Variants in MAMDC2 observed in about 807,000 individuals in gnomAD.
MAMDC2 encodes MAM domain-containing protein 2.
In MAMDC2, 57 loss-of-function variants were observed where a neutral mutation model predicts 89.8. The observed-to-expected ratio is 0.63, with a 90% CI of 0.51 to 0.79. MAMDC2 has a LOEUF of 0.79. Among genes scored for constraint, MAMDC2 ranks in the 30% least tolerant of loss-of-function variants. The pLI is 0.00. For missense variants in MAMDC2, 800 were observed against 820.6 expected (o/e 0.97, Z 0.31); for synonymous variants, 313 against 293.4 (o/e 1.07, Z -0.68).
Position 70,044,595 on chromosome 9 carries a change from G to A in MAMDC2, c.46G>A (p.Ala16Thr), listed in dbSNP as rs781194011. The A allele has an allele frequency of 2.6e-6, 4 of 1,550,132 alleles. No individual in the cohort carries two copies. The highest frequency in any genetic ancestry group is 1.2e-5 in the South Asian group (1 of 83,990). Residue 16 changes from alanine (A) to threonine (T), a missense_variant, in exon 2 of 14, where the codon GCC becomes ACC. Transcript: ENST00000377182. ...CTTTGTGCCCGCAGCCCTGCAGCTC[G>A]CCGGTGCCCTCGACCTGCCCGCTGG... ...VLLALQALQL[A>T]GALDLPAGSC... is the part of the protein sequence containing the mutation.
At chr9:70,181,190 T>C (rs1206567044) in intron 11 of MAMDC2, among the ~76,000 whole-genome samples, 1 of 152,128 alleles carries the variant, frequency 6.6e-6, no homozygotes, top group Non-Finnish European at 1.5e-5. Context: ...CTGAGGCCTC[T>C]GTTCTGTTCC....
intron 8 of MAMDC2, among the ~76,000 whole-genome samples, chr9:70,140,680 G>A (rs1407562422): frequency 6.6e-6 from 1 of 152,196 alleles, no homozygotes; most frequent in Non-Finnish European, 1.5e-5. Context: ...GTATGGGGTT[G>A]CCTTTGGGTG....
At position 70,194,232 on chromosome 9, in the gene MAMDC2, T is replaced by C. The variant is rs142361579; in HGVS notation, c.1651+23601T>C. On this transcript the variant is annotated intron_variant, in intron 11 of 13. Transcript: ENST00000377182. ...ACTTCGCTGAGCCTCAGTTTCCTTA[T>C]ATGTAAAATAAAGATAACAATCAGT... 1.3e-3 allele frequency: 191 copies of C among 152,180 alleles called. 1 individual carries two copies. Among genetic ancestry groups the C allele is most frequent in the African/African-American group, 4.4e-3 (183 of 41,522 alleles). The allele number at this position is 152,180 out of a possible 1,614,324, so 9.4% of individuals were successfully genotyped here. A position where few individuals can be genotyped will look rare whatever the true frequency, so the allele number is the denominator to read the frequency against.
intron 2 of MAMDC2, among the ~76,000 whole-genome samples, chr9:70,076,314 A>C (rs75050916): frequency 0.015 from 2,336 of 152,116 alleles, 65 homozygotes; most frequent in African/African-American, 0.053. Flanking sequence ...TCAGCTACTC[A>C]GGAGACTGAG....
rs1237505994 is a variant in MAMDC2 at position 70,162,737 on chromosome 9, G to A, written c.1405-5965G>A. ...GAACTGGCTGCAATCTGCCTGCCTTGGCCTCCCAAAGTGTTGGGAACAGGC... is the reference window on the plus strand; with the variant it reads ...GAACTGGCTGCAATCTGCCTGCCTTAGCCTCCCAAAGTGTTGGGAACAGGC... On this transcript the variant is annotated intron_variant, in intron 9 of 13. Coordinates refer to ENST00000377182, the MANE Select transcript of MAMDC2 (RefSeq NM_153267.5). 2.0e-5 allele frequency among the ~76,000 whole-genome samples: 3 copies of A among 151,938 alleles called. No homozygotes were observed. In the South Asian group the frequency reaches 6.2e-4, roughly 32 times the overall value.
Position 70,052,333 on chromosome 9 carries a change from A to T in MAMDC2, c.148+7636A>T, listed in dbSNP as rs866299634. On this transcript the variant is annotated intron_variant, in intron 2 of 13. Coordinates refer to ENST00000377182, the MANE Select transcript of MAMDC2 (RefSeq NM_153267.5). ...ACATTTCTCCTCTTCCTTCCCATTA[A>T]TCTCTAATGTGCTGTTCATTCAACA... Among the ~76,000 whole-genome samples, 5 of 152,160 alleles carry T rather than the reference A, an allele frequency of 3.3e-5. 1 individual carries two copies. In the South Asian group the frequency reaches 1.0e-3, roughly 32 times the overall value.
intron 2 of MAMDC2, among the ~76,000 whole-genome samples, chr9:70,063,570 CTAAG>C (rs1827197687): frequency 6.6e-6 from 1 of 152,026 alleles, no homozygotes; most frequent in Admixed American, 6.6e-5. Context: ...TATTTCAGAA[CTAAG>C]TATTTAGATA....
At chr9:70,082,000 A>C (rs1318513760) in intron 2 of MAMDC2, 2 of 152,190 alleles carry the variant, frequency 1.3e-5, no homozygotes, top group African/African-American at 4.8e-5. Flanking sequence ...TCCAATAAAA[A>C]TAAAAGACAC....
chr9:70,159,821 C>T (rs2031901747), intron 9 of MAMDC2, among the ~76,000 whole-genome samples: 1 of 152,128 alleles, frequency 6.6e-6, no homozygotes, highest in Admixed American at 6.5e-5. Context: ...AGGAGAACTC[C>T]CTATGGGAGG....
At chr9:70,198,537 C>A (rs189187271) in intron 11 of MAMDC2, among the ~76,000 whole-genome samples, 3 of 152,112 alleles carry the variant, frequency 2.0e-5, no homozygotes, top group African/African-American at 4.8e-5. Context: ...GAGAAAATGT[C>A]TTCAACTATT....
In MAMDC2 at chr9:70,143,814, AC is replaced by A. The variant is rs1373062028; in HGVS notation, c.1401del (p.Lys468ArgfsTer5). The A allele has an allele frequency of 6.2e-7, 1 of 1,613,732 alleles. No individual in the cohort carries two copies. The highest frequency in any genetic ancestry group is 2.2e-5 in the East Asian group (1 of 44,870). On this transcript the variant is annotated frameshift_variant, in exon 9 of 14. Coordinates refer to ENST00000377182, the MANE Select transcript of MAMDC2 (RefSeq NM_153267.5). LOFTEE classifies it high-confidence loss of function. ...AEITFKKPMPTKVVFMSLCKS... is the reference protein window; with the variant it reads ...AEITFKKPMPXKVVFMSLCKS... Reference sequence around the variant, plus strand: ...AATCACCTTTAAGAAGCCCATGCCTACCAAGGTACAGCAGAGCCAATTTCTC... The same window carrying A: ...AATCACCTTTAAGAAGCCCATGCCTACAAGGTACAGCAGAGCCAATTTCTC...
At chr9:70,188,560 T>C (rs1251783361) in intron 11 of MAMDC2, 2 of 152,082 alleles carry the variant, frequency 1.3e-5, no homozygotes, top group Non-Finnish European at 2.9e-5. Context: ...TAAAATGTTA[T>C]TATTCCCCAA....
chr9:70,086,799 T>C (rs1314410776), intron 2 of MAMDC2: 1 of 152,118 alleles, frequency 6.6e-6, no homozygotes, highest in African/African-American at 2.4e-5. Context: ...TTGATTCAAT[T>C]TAGACTTTAA....
intron 9 of MAMDC2, chr9:70,153,438 G>C (rs1236449681): frequency 6.6e-6 from 1 of 152,122 alleles, no homozygotes; most frequent in East Asian, 1.9e-4. Context: ...CTTTATGCTT[G>C]GTCACCCATG....
rs538865909 is a variant in MAMDC2 at position 70,180,813 on chromosome 9, C to T, written c.1651+10182C>T. Among the ~76,000 whole-genome samples the T allele has an allele frequency of 3.9e-5, 6 of 152,262 alleles. No homozygotes were observed. In the East Asian group the frequency reaches 1.2e-3, roughly 29 times the overall value. On this transcript the variant is annotated intron_variant, in intron 11 of 13. Transcript: ENST00000377182. Reference sequence around the variant, plus strand: ...ACTTTTCTCCTATTCTGTAGGAATACTCTGATGGCAGTTTCTTTTGCTGTG... The same window carrying T: ...ACTTTTCTCCTATTCTGTAGGAATATTCTGATGGCAGTTTCTTTTGCTGTG...
chr9:70,101,991 G>A (rs750173220), intron 2 of MAMDC2, among the ~76,000 whole-genome samples: 35 of 152,146 alleles, frequency 2.3e-4, no homozygotes, highest in Admixed American at 7.9e-4. Context: ...TGTACAACAC[G>A]GCCAATTTTT....
intron 9 of MAMDC2, among the ~76,000 whole-genome samples, chr9:70,166,272 T>TACACACACACAC (rs551265332): frequency 1.0e-4 from 5 of 49,888 alleles, no homozygotes; most frequent in South Asian, 6.2e-4. Context: ...AATATATATA[T>TACACACACACAC]ATATACACAC....
intron 2 of MAMDC2, among the ~76,000 whole-genome samples, chr9:70,099,464 C>T (rs182973485): frequency 1.1e-4 from 17 of 152,220 alleles, no homozygotes; most frequent in East Asian, 9.7e-4. Flanking sequence ...CTTCTCTCCA[C>T]GATAGAAATC....
intron 11 of MAMDC2, among the ~76,000 whole-genome samples, chr9:70,214,238 A>G (rs1311998405): frequency 6.6e-6 from 1 of 152,238 alleles, no homozygotes; most frequent in Non-Finnish European, 1.5e-5. Context: ...AGGGACTGCA[A>G]TTTGGAATAG....
Sources: allele counts gnomAD v4.1 joint callset (sites outside exome capture counted in the v4.1 genomes callset), GRCh38; gene constraint gnomAD v4.1.1; transcripts MANE v1.5; gene names NCBI Gene and HGNC (gene_info 2026-07-23, HGNC 2026-07-21).